Variants in TMEM200A observed in about 807,000 individuals in gnomAD.
TMEM200A encodes the protein transmembrane protein 200A.
TMEM200A carries 12 observed loss-of-function variants against 24.3 expected under a neutral mutation model. That is an observed-to-expected ratio of 0.49 (90% CI 0.32 to 0.80). The LOEUF (loss-of-function observed/expected upper bound fraction) is 0.80, where lower values mean the gene tolerates loss of function less well. TMEM200A is among the 30% of genes least tolerant of loss of function. TMEM200A has a pLI of 0.04. For synonymous variants in TMEM200A, 224 were observed against 224.4 expected (o/e 1.00, Z 0.02); for missense variants, 545 against 614.4 (o/e 0.89, Z 1.19).
intron 2 of TMEM200A, among the ~76,000 whole-genome samples, chr6:130,402,429 G>A (rs541425712): frequency 6.6e-6 from 1 of 152,030 alleles, no homozygotes; most frequent in African/African-American, 2.4e-5. Flanking sequence ...ATTACTAACT[G>A]GATAAGACCC....
intron 2 of TMEM200A, chr6:130,421,468 A>T (rs1779585278): frequency 6.7e-6 from 1 of 149,100 alleles, no homozygotes; most frequent in East Asian, 2.2e-4. Flanking sequence ...ACTGATTACT[A>T]TAGTCAAGCT....
At chr6:130,413,526 A>G (rs1779380347) in intron 2 of TMEM200A, among the ~76,000 whole-genome samples, 1 of 152,060 alleles carries the variant, frequency 6.6e-6, no homozygotes, top group South Asian at 2.1e-4. Flanking sequence ...CCCCCACTAG[A>G]GATCTGGAAA....
At chr6:130,393,824 T>C (rs1157853248) in intron 2 of TMEM200A, among the ~76,000 whole-genome samples, 1 of 152,196 alleles carries the variant, frequency 6.6e-6, no homozygotes, top group Non-Finnish European at 1.5e-5. Context: ...GAAATCCTGA[T>C]CCAGGAAACA....
At chr6:130,397,881 AATT>A (rs1368811966) in intron 2 of TMEM200A, among the ~76,000 whole-genome samples, 4 of 151,282 alleles carry the variant, frequency 2.6e-5, no homozygotes, top group South Asian at 2.1e-4. Context: ...TCATAATAAT[AATT>A]ATTTTAAAAT....
At chr6:130,415,211 A>G (rs1779420602) in intron 2 of TMEM200A, among the ~76,000 whole-genome samples, 1 of 152,114 alleles carries the variant, frequency 6.6e-6, no homozygotes, top group African/African-American at 2.4e-5. Context: ...GCAAGCAGGG[A>G]GTTAGGGACC....
At chr6:130,372,083 T>C (rs896103165) in intron 1 of TMEM200A, among the ~76,000 whole-genome samples, 1 of 152,240 alleles carries the variant, frequency 6.6e-6, no homozygotes, top group African/African-American at 2.4e-5. Context: ...CCCGAGCTCC[T>C]GGAGCCAGAC....
intron 2 of TMEM200A, among the ~76,000 whole-genome samples, chr6:130,395,126 G>A (rs1360834825): frequency 6.6e-6 from 1 of 152,152 alleles, no homozygotes; most frequent in Non-Finnish European, 1.5e-5. Context: ...TATCTTCATA[G>A]CTCCTTCCTG....
rs1778164811 is a variant in TMEM200A at position 130,366,722 on chromosome 6, G to C, written c.-81+198G>C. ...AGGTCCAGACTCCCCAGTCCCGGGAGCGCGAGAGAAGCCGTGCGGGGCAGC... is the reference window on the plus strand; with the variant it reads ...AGGTCCAGACTCCCCAGTCCCGGGACCGCGAGAGAAGCCGTGCGGGGCAGC... On this transcript the variant is annotated intron_variant, in intron 1 of 2. Coordinates refer to ENST00000296978, the MANE Select transcript of TMEM200A (RefSeq NM_001258277.2). The surrounding 1 kb of genome is among the most constrained non-coding windows in gnomAD (Gnocchi z 4.4). Among the ~76,000 whole-genome samples the C allele has an allele frequency of 6.6e-6, 1 of 152,226 alleles. No homozygotes were observed. Among genetic ancestry groups the C allele is most frequent in the African/African-American group, 2.4e-5 (1 of 41,458 alleles).
intron 2 of TMEM200A, among the ~76,000 whole-genome samples, chr6:130,409,091 C>A (rs954302943): frequency 6.6e-6 from 1 of 152,174 alleles, no homozygotes; most frequent in Admixed American, 6.5e-5. Context: ...TCCTCCTACT[C>A]ATTCCTGCTT....
At chr6:130,373,431 T>C (rs946264040) in intron 1 of TMEM200A, among the ~76,000 whole-genome samples, 14 of 152,222 alleles carry the variant, frequency 9.2e-5, no homozygotes, top group Non-Finnish European at 2.9e-5. Context: ...TTTTAATGAT[T>C]TTTTCCATAA....
At chr6:130,422,492 C>G (rs1779620330) in intron 2 of TMEM200A, among the ~76,000 whole-genome samples, 1 of 152,080 alleles carries the variant, frequency 6.6e-6, no homozygotes, top group African/African-American at 2.4e-5. Context: ...GTCTTGAACT[C>G]CCTACCTCAA....
upstream of TMEM200A, chr6:130,365,968 C>A: frequency 1.0e-6 from 1 of 985,586 alleles, no homozygotes; most frequent in Non-Finnish European, 1.2e-6. Context: ...CCCCCGCCCC[C>A]AACCCGCCTC....
chr6:130,417,183 CT>C lies in TMEM200A; in HGVS notation c.-16-23223del, dbSNP rs1779475058. 7.2e-5 allele frequency among the ~76,000 whole-genome samples: 11 copies of C among 152,032 alleles called. 1 individual carries two copies. In the South Asian group the frequency reaches 2.1e-3, roughly 29 times the overall value. ...TGTTCATCATTTTATCCCTGGGCCCCTGGCAGAGTGATTGACACATAGTAGA... is the reference window on the plus strand; with the variant it reads ...TGTTCATCATTTTATCCCTGGGCCCCGGCAGAGTGATTGACACATAGTAGA... On this transcript the variant is annotated intron_variant, in intron 2 of 2. Coordinates refer to ENST00000296978, the MANE Select transcript of TMEM200A (RefSeq NM_001258277.2).
intron 2 of TMEM200A, among the ~76,000 whole-genome samples, chr6:130,412,864 T>C (rs888186317): frequency 2.0e-5 from 3 of 152,250 alleles, no homozygotes; most frequent in Non-Finnish European, 2.9e-5. Flanking sequence ...AAATTATTTC[T>C]TAAATGTCCT....
At chr6:130,371,316 A>G (rs1397562355) in intron 1 of TMEM200A, among the ~76,000 whole-genome samples, 1 of 152,210 alleles carries the variant, frequency 6.6e-6, no homozygotes, top group African/African-American at 2.4e-5. Flanking sequence ...TTCATGTTGC[A>G]TACTTTAAAG....
intron 2 of TMEM200A, among the ~76,000 whole-genome samples, chr6:130,391,161 C>T (rs1778823249): frequency 1.3e-5 from 2 of 152,184 alleles, no homozygotes; most frequent in African/African-American, 2.4e-5. Context: ...ATGTCTTTCT[C>T]TGGTGCCACA....
At chr6:130,426,464 C>CG (rs1554284274) in intron 2 of TMEM200A, among the ~76,000 whole-genome samples, 4 of 146,172 alleles carry the variant, frequency 2.7e-5, no homozygotes. Flanking sequence ...TCTGCAGCCC[C>CG]CCCCCCCTCA....
intron 2 of TMEM200A, among the ~76,000 whole-genome samples, chr6:130,399,822 TG>T (rs1176724618): frequency 3.3e-5 from 5 of 151,916 alleles, no homozygotes; most frequent in African/African-American, 1.2e-4. Context: ...TGTAGTGTTT[TG>T]TCCCTCGCCC....
intron 2 of TMEM200A, among the ~76,000 whole-genome samples, chr6:130,386,204 G>T (rs955093790): frequency 6.6e-6 from 1 of 152,150 alleles, no homozygotes; most frequent in African/African-American, 2.4e-5. Flanking sequence ...AGTAAATCCA[G>T]GAGCTTGAAC....
Sources: allele counts gnomAD v4.1 joint callset (sites outside exome capture counted in the v4.1 genomes callset), GRCh38; gene constraint gnomAD v4.1.1; non-coding constraint Gnocchi (gnomAD v3.1); transcripts MANE v1.5; gene names NCBI Gene and HGNC (gene_info 2026-07-23, HGNC 2026-07-21).